SMARCC1: variants seen among roughly 807,000 people sequenced by gnomAD.
SMARCC1 encodes the protein SWI/SNF complex subunit SMARCC1.
A neutral mutation model predicts 147.4 loss-of-function variants in SMARCC1; 43 were observed. The ratio of observed to expected loss-of-function variants is 0.29; its 90% confidence interval spans 0.23 to 0.38. The LOEUF (loss-of-function observed/expected upper bound fraction) is 0.38. Among genes scored for constraint, SMARCC1 ranks in the 10% least tolerant of loss-of-function variants. The probability of loss-of-function intolerance (pLI) is 1.00; values close to 1 mark genes in which losing one functional copy is unlikely to be tolerated. For missense variants in SMARCC1, 1,119 were observed against 1,381.1 expected, an observed-to-expected ratio of 0.81 and a Z score of 3.01; for synonymous variants, 495 against 484.4, an observed-to-expected ratio of 1.02 and a Z score of -0.29.
intron 5 of SMARCC1, among the ~76,000 whole-genome samples, chr3:47,731,371 T>C (rs939868566): frequency 2.0e-5 from 3 of 152,176 alleles, no homozygotes; most frequent in African/African-American, 7.2e-5. Context: ...TCTACTAAAG[T>C]CTTTAACCCC....
At chr3:47,671,173 CAAA>C (rs775759680) in intron 18 of SMARCC1, among the ~76,000 whole-genome samples, 424 of 29,226 alleles carry the variant, frequency 0.015, 6 homozygotes, top group African/African-American at 0.058. Context: ...GAGACTATCT[CAAA>C]AAAAAAAAAA....
At chr3:47,606,291 C>T (rs753202412) in intron 26 of SMARCC1, among the ~76,000 whole-genome samples, 7 of 152,192 alleles carry the variant, frequency 4.6e-5, no homozygotes, top group Non-Finnish European at 1.0e-4. Flanking sequence ...TGCTATAAAT[C>T]CCCTTAGTCT....
intron 24 of SMARCC1, among the ~76,000 whole-genome samples, chr3:47,631,092 G>C (rs1056572214): frequency 3.3e-5 from 5 of 150,140 alleles, no homozygotes; most frequent in Admixed American, 2.7e-4. Context: ...GTGAGAGAAA[G>C]AAAAAGAGAG....
At chr3:47,757,608 C>T (rs1023948184) in intron 2 of SMARCC1, among the ~76,000 whole-genome samples, 1 of 151,672 alleles carries the variant, frequency 6.6e-6, no homozygotes, top group Non-Finnish European at 1.5e-5. Flanking sequence ...ACTGGTGAAC[C>T]CCTATCTCTA....
intron 2 of SMARCC1, among the ~76,000 whole-genome samples, chr3:47,772,064 G>C (rs971894466): frequency 6.6e-6 from 1 of 152,080 alleles, no homozygotes; most frequent in Non-Finnish European, 1.5e-5. Flanking sequence ...GCGAGACTCT[G>C]TCTCATAAAT....
intron 18 of SMARCC1, among the ~76,000 whole-genome samples, chr3:47,674,197 C>T (rs1253162059): frequency 6.6e-6 from 1 of 152,148 alleles, no homozygotes; most frequent in Non-Finnish European, 1.5e-5. Flanking sequence ...TTTAAACAAC[C>T]TGTATTACTT....
chr3:47,590,516 A>G, intron 27 of SMARCC1, 145 bp downstream of exon 27: 1 of 610,796 alleles, frequency 1.6e-6, no homozygotes, highest in South Asian at 3.2e-5. Flanking sequence ...CACAGACTGA[A>G]AACTGGTCTT....
intron 1 of SMARCC1, among the ~76,000 whole-genome samples, chr3:47,777,090 T>C (rs572133156): frequency 7.0e-6 from 1 of 143,310 alleles, no homozygotes; most frequent in East Asian, 2.1e-4. Context: ...AAATATTTAT[T>C]TTTTTTTTTT....
chr3:47,699,201 T>C (rs2033888687), intron 11 of SMARCC1, among the ~76,000 whole-genome samples: 2 of 151,874 alleles, frequency 1.3e-5, no homozygotes, highest in South Asian at 4.1e-4. Flanking sequence ...AAAATGAAAA[T>C]CCAAGCAACT....
chr3:47,759,185 T>C (rs2034741696), intron 2 of SMARCC1, among the ~76,000 whole-genome samples: 2 of 151,876 alleles, frequency 1.3e-5, no homozygotes, highest in Admixed American at 6.6e-5. Context: ...CTAATTTTGA[T>C]ATTTTTTTGT....
rs1305820114 is a variant in SMARCC1 at position 47,636,223 on chromosome 3, G to T, written c.2377-87C>A. The T allele has an allele frequency of 7.2e-6, 5 of 699,190 alleles. No individual in the cohort carries two copies. In the Admixed American group the frequency reaches 1.4e-4, roughly 19 times the overall value. The allele number at this position is 699,190 out of a possible 1,614,324, so 43.3% of individuals were successfully genotyped here. A position where few individuals can be genotyped will look rare whatever the true frequency, so the allele number is the denominator to read the frequency against. On this transcript the variant is annotated intron_variant, in intron 22 of 27. Coordinates refer to ENST00000254480, the MANE Select transcript of SMARCC1 (RefSeq NM_003074.4). ...AGTAATTATCTTAGACTAGCAAAAGGTTCCAATATTTTTGGCAAGAAATAG... is the reference window on the plus strand; with the variant it reads ...AGTAATTATCTTAGACTAGCAAAAGTTTCCAATATTTTTGGCAAGAAATAG...
At chr3:47,669,181 C>T (rs1326937888) in intron 19 of SMARCC1, among the ~76,000 whole-genome samples, 1 of 152,160 alleles carries the variant, frequency 6.6e-6, no homozygotes, top group South Asian at 2.1e-4. Flanking sequence ...CAGATTCCAC[C>T]TGAAGGAGAG....
intron 25 of SMARCC1, among the ~76,000 whole-genome samples, chr3:47,613,874 A>T (rs907336067): frequency 6.6e-6 from 1 of 151,700 alleles, no homozygotes; most frequent in South Asian, 2.1e-4. Flanking sequence ...GAAATCTAAC[A>T]CAACAGAGCA....
intron 3 of SMARCC1, among the ~76,000 whole-genome samples, chr3:47,739,690 C>G (rs986165713): frequency 2.0e-5 from 3 of 151,968 alleles, no homozygotes; most frequent in African/African-American, 7.3e-5. Context: ...CAGTCTGAGT[C>G]CAGAGCTCAT....
Position 47,676,620 on chromosome 3 carries a change from T to G in SMARCC1, c.1725+9A>C, listed in dbSNP as rs201145681. The G allele has an allele frequency of 6.0e-5, 96 of 1,612,076 alleles. No homozygotes were observed. Among genetic ancestry groups the G allele is most frequent in the Admixed American group, 1.7e-5 (1 of 59,894 alleles). On this transcript the variant is annotated intron_variant, in intron 17 of 27. Transcript: ENST00000254480. ...ATCCAGGTCTGATGAAAAGTCAACATTAATTTACCTGAGGTGATCGAAGAT... is the reference window on the plus strand; with the variant it reads ...ATCCAGGTCTGATGAAAAGTCAACAGTAATTTACCTGAGGTGATCGAAGAT...
At chr3:47,725,739 A>G (rs1275129819) in intron 6 of SMARCC1, among the ~76,000 whole-genome samples, 1 of 151,774 alleles carries the variant, frequency 6.6e-6, no homozygotes, top group Non-Finnish European at 1.5e-5. Flanking sequence ...GGCATGAGCC[A>G]TCGGGCCCAG....
chr3:47,621,730 A>G lies in SMARCC1; in HGVS notation c.2781+477T>C, dbSNP rs546185787. On this transcript the variant is annotated intron_variant, in intron 25 of 27. Transcript: ENST00000254480. ...GTTAACTATTTGGGTGACAGCTTCA[A>G]TAGAAGCTTAAACCTAAGCATCATA... 2.0e-5 allele frequency among the ~76,000 whole-genome samples: 3 copies of G among 152,262 alleles called. No individual in the cohort carries two copies. In the South Asian group the frequency reaches 6.2e-4, roughly 32 times the overall value.
At chr3:47,761,934 G>A (rs1042080844) in intron 2 of SMARCC1, among the ~76,000 whole-genome samples, 4 of 151,978 alleles carry the variant, frequency 2.6e-5, no homozygotes, top group African/African-American at 9.7e-5. Context: ...TCAGCCTCCT[G>A]AATAGCTGGG....
At chr3:47,781,567 C>T (rs763497553) in intron 1 of SMARCC1, 36 bp downstream of exon 1, 2 of 1,445,694 alleles carry the variant, frequency 1.4e-6, no homozygotes, top group Non-Finnish European at 1.8e-6. Flanking sequence ...GCCCCGGTCG[C>T]GTGGTCTCCC....
Sources: gnomAD v4.1 joint callset for allele counts (sites outside exome capture counted in the v4.1 genomes callset) on GRCh38, gnomAD v4.1.1 for gene constraint, MANE v1.5 for transcripts, NCBI Gene and HGNC (gene_info 2026-07-23, HGNC 2026-07-21) for gene names.